SAE1: variants seen among roughly 807,000 people sequenced by gnomAD.
SAE1 encodes the protein SUMO1 activating enzyme subunit 1.
SAE1 carries 11 observed loss-of-function variants against 40.6 expected under a neutral mutation model. The observed-to-expected ratio is 0.27, with a 90% confidence interval of 0.17 to 0.45. The LOEUF is 0.45. Among genes scored for constraint, SAE1 ranks in the 20% least tolerant of loss-of-function variants. The probability of loss-of-function intolerance (pLI) is 1.00; values close to 1 mark genes in which losing one functional copy is unlikely to be tolerated. For missense variants in SAE1, 373 were observed against 427.3 expected, an observed-to-expected ratio of 0.87 and a Z score of 1.12; for synonymous variants, 155 against 154.3, an observed-to-expected ratio of 1.00 and a Z score of -0.03.
rs192312466 is a variant in SAE1, at chr19:47,155,509, G to A, written c.627+296G>A. On this transcript the variant is annotated intron_variant, in intron 5 of 8. Coordinates refer to ENST00000270225, the MANE Select transcript of SAE1 (RefSeq NM_005500.3). ...GGAATTTTTTCTTGTCGCTCAGGCT[G>A]GAGTGCAATGGCATGATCTCGGCTC... Among the ~76,000 whole-genome samples the A allele has an allele frequency of 1.2e-4, 18 of 152,160 alleles. No homozygotes were observed. The East Asian group carries it at 3.5e-3, about 29-fold the overall frequency.
chr19:47,151,881 C>G (rs570596674), intron 3 of SAE1, among the ~76,000 whole-genome samples: 1 of 152,322 alleles, frequency 6.6e-6, no homozygotes, highest in East Asian at 1.9e-4. Context: ...CCATGTTGAC[C>G]GCCTTGCAGG....
At chr19:47,160,652 C>G (rs2058354247) in intron 5 of SAE1, among the ~76,000 whole-genome samples, 1 of 152,242 alleles carries the variant, frequency 6.6e-6, no homozygotes, top group South Asian at 2.1e-4. Flanking sequence ...ACCTCGGCCT[C>G]CCAAAGTGCT....
intron 5 of SAE1, among the ~76,000 whole-genome samples, chr19:47,162,536 T>C (rs1394607337): frequency 6.6e-6 from 1 of 152,212 alleles, no homozygotes; most frequent in Non-Finnish European, 1.5e-5. Context: ...TTGATTATGG[T>C]TGTCATTTGT....
chr19:47,148,677 C>T (rs1169845561), intron 2 of SAE1, among the ~76,000 whole-genome samples: 1 of 150,958 alleles, frequency 6.6e-6, no homozygotes, highest in Non-Finnish European at 1.5e-5. Context: ...TGCAGTGGCA[C>T]GACCTGGGCT....
At chr19:47,203,859 T>G (rs532266701) in intron 8 of SAE1, 119 bp downstream of exon 8, 1 of 891,514 alleles carries the variant, frequency 1.1e-6, no homozygotes, top group African/African-American at 1.7e-5. Context: ...CATCTTTGTT[T>G]CATGCCCTCC....
chr19:47,164,344 A>G (rs562490537), intron 5 of SAE1, among the ~76,000 whole-genome samples: 2 of 151,220 alleles, frequency 1.3e-5, no homozygotes, highest in Non-Finnish European at 2.9e-5. Context: ...AATTTTTTGT[A>G]TTTTTAGTAG....
At chr19:47,177,361 G>GT (rs752908098) in intron 6 of SAE1, among the ~76,000 whole-genome samples, 15 of 151,938 alleles carry the variant, frequency 9.9e-5, no homozygotes, top group South Asian at 4.2e-4. Context: ...GTTTTTGTTT[G>GT]TTTTTTTTCC....
chr19:47,201,654 T>C (rs1016909914), intron 7 of SAE1, among the ~76,000 whole-genome samples: 6 of 145,306 alleles, frequency 4.1e-5, no homozygotes, highest in Non-Finnish European at 9.1e-5. Flanking sequence ...TAATTATTAT[T>C]ATTGGGAGTC....
chr19:47,190,166 G>A (rs2058570236), intron 6 of SAE1, among the ~76,000 whole-genome samples: 1 of 152,170 alleles, frequency 6.6e-6, no homozygotes, highest in African/African-American at 2.4e-5. Flanking sequence ...TAATTAAAAG[G>A]TGCAGATGAA....
At chr19:47,202,351 G>A (rs898556199) in intron 7 of SAE1, among the ~76,000 whole-genome samples, 6 of 151,654 alleles carry the variant, frequency 4.0e-5, no homozygotes, top group Non-Finnish European at 5.9e-5. Context: ...GTAGTTGTGC[G>A]ATCTCAGCTC....
Position 47,210,212 on chromosome 19 carries a change from T to C in SAE1, c.*961T>C, listed in dbSNP as rs2058706726. The stretch of plus-strand genomic sequence containing the variant: ...TAGGATTTGCTTGTTTTTCTTCCAC[T>C]TCAGAAGCTTCTGAGAGGGAATGGG... On this transcript the variant is annotated 3_prime_UTR_variant, in exon 9 of 9. Coordinates refer to ENST00000270225, the MANE Select transcript of SAE1 (RefSeq NM_005500.3). 6.6e-6 allele frequency: 1 copy of C among 152,182 alleles called. No homozygotes were observed. Among genetic ancestry groups the C allele is most frequent in the Admixed American group, 6.6e-5 (1 of 15,260 alleles). The allele number at this position is 152,182 out of a possible 1,614,324, so 9.4% of individuals were successfully genotyped here. A position where few individuals can be genotyped will look rare whatever the true frequency, so the allele number is the denominator to read the frequency against.
chr19:47,143,815 A>AC (rs1209927357), intron 2 of SAE1, among the ~76,000 whole-genome samples: 1 of 151,896 alleles, frequency 6.6e-6, no homozygotes, highest in Non-Finnish European at 1.5e-5. Context: ...AGAGACTCAC[A>AC]CCCCCTCATT....
intron 2 of SAE1, among the ~76,000 whole-genome samples, chr19:47,147,599 T>C (rs1426813007): frequency 6.7e-6 from 1 of 148,790 alleles, no homozygotes; most frequent in African/African-American, 2.5e-5. Context: ...ATTACAGGCG[T>C]GTGCCACCAC....
chr19:47,168,238 T>C (rs1157305116), intron 5 of SAE1, among the ~76,000 whole-genome samples: 1 of 152,106 alleles, frequency 6.6e-6, no homozygotes, highest in Non-Finnish European at 1.5e-5. Context: ...TGTATGTGTG[T>C]TTATATGCGA....
intron 7 of SAE1, among the ~76,000 whole-genome samples, chr19:47,200,734 T>A (rs1568610605): frequency 6.6e-6 from 1 of 152,206 alleles, no homozygotes; most frequent in Admixed American, 6.5e-5. Context: ...AATAAAGTTT[T>A]ATTGGCACAC....
chr19:47,190,975 T>C, intron 6 of SAE1, among the ~76,000 whole-genome samples: 1 of 152,240 alleles, frequency 6.6e-6, no homozygotes, highest in East Asian at 1.9e-4. Context: ...TGTATGGACC[T>C]GCTGTTTCTT....
At chr19:47,156,311 C>G (rs1007663605) in intron 5 of SAE1, among the ~76,000 whole-genome samples, 1 of 150,814 alleles carries the variant, frequency 6.6e-6, no homozygotes, top group African/African-American at 2.4e-5. Flanking sequence ...TGTATTTTCT[C>G]TACTAACAAT....
chr19:47,190,546 G>T (rs768563515), intron 6 of SAE1, among the ~76,000 whole-genome samples: 3 of 152,062 alleles, frequency 2.0e-5, no homozygotes, highest in Non-Finnish European at 4.4e-5. Flanking sequence ...TGTTTGTTTT[G>T]CTGCAAGTAA....
At chr19:47,180,030 G>A (rs1477270462) in intron 6 of SAE1, 1 of 373,384 alleles carries the variant, frequency 2.7e-6, no homozygotes, top group Non-Finnish European at 5.3e-6. Context: ...AAGGAGCCAT[G>A]TGGTATTGGA....
Sources: allele counts gnomAD v4.1 joint callset (sites outside exome capture counted in the v4.1 genomes callset), GRCh38; gene constraint gnomAD v4.1.1; transcripts MANE v1.5; gene names NCBI Gene and HGNC (gene_info 2026-07-23, HGNC 2026-07-21).